FGF14: variants seen among roughly 807,000 people sequenced by gnomAD.
FGF14 encodes the protein fibroblast growth factor 14, also known as fibroblast growth factor homologous factor 4.
Under a neutral mutation model 25.5 loss-of-function variants are expected in FGF14, and 5 were observed. The observed-to-expected ratio is 0.20, with a 90% CI of 0.10 to 0.41. The LOEUF is 0.41. Among genes scored for constraint, FGF14 ranks in the 10% least tolerant of loss-of-function variants. FGF14 has a pLI of 1.00. For missense variants in FGF14, 222 were observed against 320.1 expected (o/e 0.69, Z 2.34); for synonymous variants, 138 against 118.3 (o/e 1.17, Z -1.08).
At chr13:102,237,255 T>C (rs2051370750) in intron 1 of FGF14, among the ~76,000 whole-genome samples, 1 of 152,104 alleles carries the variant, frequency 6.6e-6, no homozygotes, top group African/African-American at 2.4e-5. Flanking sequence ...GTCTGCAGAG[T>C]GGGGCATTCT....
chr13:101,719,655 T>C lies in FGF14; in HGVS notation c.*3176A>G, dbSNP rs2034855989. The stretch of plus-strand genomic sequence containing the variant: ...TTGAGGGACTGGCAAAGCAATCAGC[T>C]ACTATAACAAATCAGTAGAAATAAC... On this transcript the variant is annotated 3_prime_UTR_variant, in exon 5 of 5. Coordinates refer to ENST00000376143, the MANE Select transcript of FGF14 (RefSeq NM_004115.4). 1 of 152,106 alleles carries C rather than the reference T, an allele frequency of 6.6e-6. No homozygotes were observed. Among genetic ancestry groups the C allele is most frequent in the African/African-American group, 2.4e-5 (1 of 41,438 alleles). The allele number at this position is 152,106 out of a possible 1,614,324, so 9.4% of individuals were successfully genotyped here.
At chr13:102,006,769 G>C (rs1260540004) in intron 1 of FGF14, among the ~76,000 whole-genome samples, 1 of 104,572 alleles carries the variant, frequency 9.6e-6, no homozygotes, top group Admixed American at 1.6e-4. Context: ...ACGGAGTCTC[G>C]CTCTGTCGCC....
intron 1 of FGF14, among the ~76,000 whole-genome samples, chr13:102,031,201 T>C (rs1254308364): frequency 2.0e-5 from 3 of 152,124 alleles, no homozygotes; most frequent in African/African-American, 7.2e-5. Flanking sequence ...ATACTTATTT[T>C]GTACCCTTTA....
chr13:101,852,444 GA>G (rs531228427), intron 3 of FGF14, among the ~76,000 whole-genome samples: 3 of 152,074 alleles, frequency 2.0e-5, no homozygotes, highest in Non-Finnish European at 2.9e-5. Flanking sequence ...CTTGAAGGAG[GA>G]AAAAAACAAT....
chr13:102,110,174 G>T (rs1402305575), intron 1 of FGF14, among the ~76,000 whole-genome samples: 2 of 152,096 alleles, frequency 1.3e-5, no homozygotes, highest in Non-Finnish European at 2.9e-5. Context: ...CAAAAGACTT[G>T]TTTTAGAGCT....
intron 1 of FGF14, among the ~76,000 whole-genome samples, chr13:101,961,644 G>A (rs2036864750): frequency 6.6e-6 from 1 of 152,114 alleles, no homozygotes. Context: ...ATTGAATCAT[G>A]GGGACGGTTA....
chr13:101,971,882 T>C (rs1200507980), intron 1 of FGF14, among the ~76,000 whole-genome samples: 1 of 152,214 alleles, frequency 6.6e-6, no homozygotes, highest in East Asian at 1.9e-4. Flanking sequence ...AATACATAAC[T>C]GTTTGAAATT....
At chr13:102,271,430 C>T (rs1470405699) in intron 1 of FGF14, among the ~76,000 whole-genome samples, 2 of 152,134 alleles carry the variant, frequency 1.3e-5, no homozygotes, top group Admixed American at 1.3e-4. Flanking sequence ...GAGCCACGCA[C>T]CTCCATTTTC....
chr13:102,246,116 C>T (rs2051854297), intron 1 of FGF14, among the ~76,000 whole-genome samples: 1 of 151,982 alleles, frequency 6.6e-6, no homozygotes, highest in Admixed American at 6.6e-5. Flanking sequence ...AGTAATTTAG[C>T]CAAGATATCT....
At chr13:101,773,354 A>G (rs1487585162) in intron 3 of FGF14, among the ~76,000 whole-genome samples, 9 of 152,140 alleles carry the variant, frequency 5.9e-5, no homozygotes, top group Admixed American at 5.2e-4. Context: ...TAGGAAATCT[A>G]ATCTGCGACT....
chr13:101,751,977 T>A (rs2037314556), intron 3 of FGF14, among the ~76,000 whole-genome samples: 1 of 152,140 alleles, frequency 6.6e-6, no homozygotes, highest in South Asian at 2.1e-4. Context: ...GACACATACC[T>A]GTGAGAATAT....
chr13:101,919,607 C>T (rs1391321630), upstream of FGF14, among the ~76,000 whole-genome samples: 1 of 151,804 alleles, frequency 6.6e-6, no homozygotes, highest in Non-Finnish European at 1.5e-5. Flanking sequence ...CAGCCTCGGA[C>T]CAGCCTGACA....
chr13:102,059,872 A>G (rs2042601193), intron 1 of FGF14, among the ~76,000 whole-genome samples: 1 of 150,404 alleles, frequency 6.6e-6, no homozygotes, highest in African/African-American at 2.4e-5. Flanking sequence ...AACAAAAACA[A>G]AAAAAAAAGA....
At chr13:102,222,791 C>G (rs1479841890) in intron 1 of FGF14, among the ~76,000 whole-genome samples, 3 of 152,154 alleles carry the variant, frequency 2.0e-5, no homozygotes, top group Non-Finnish European at 4.4e-5. Flanking sequence ...ACACACTCCT[C>G]TAATCAATGT....
intron 1 of FGF14, among the ~76,000 whole-genome samples, chr13:102,129,138 T>C (rs1490195526): frequency 6.6e-6 from 1 of 151,986 alleles, no homozygotes; most frequent in Non-Finnish European, 1.5e-5. Flanking sequence ...TGGTCCCAGA[T>C]ACTCAGGAGG....
At chr13:102,071,992 T>C (rs1566649003) in intron 1 of FGF14, among the ~76,000 whole-genome samples, 1 of 152,112 alleles carries the variant, frequency 6.6e-6, no homozygotes, top group East Asian at 1.9e-4. Context: ...AAATGGAAAA[T>C]ATAAATAGCA....
chr13:101,964,086 C>G (rs1184006006), intron 1 of FGF14, among the ~76,000 whole-genome samples: 2 of 152,192 alleles, frequency 1.3e-5, no homozygotes, highest in Admixed American at 1.3e-4. Flanking sequence ...ACGATTTTCT[C>G]AGCAAGATCA....
chr13:102,163,888 G>T (rs939121931), intron 1 of FGF14, among the ~76,000 whole-genome samples: 1 of 152,100 alleles, frequency 6.6e-6, no homozygotes, highest in African/African-American at 2.4e-5. Context: ...AGTGAAGCAT[G>T]GAAAGATGGG....
intron 1 of FGF14, among the ~76,000 whole-genome samples, chr13:101,962,342 T>C (rs2036910881): frequency 2.6e-5 from 4 of 152,212 alleles, no homozygotes; most frequent in Admixed American, 2.6e-4. Context: ...AGTTCATTCA[T>C]GATTTGACTC....
Sources: gnomAD v4.1 joint callset for allele counts (sites outside exome capture counted in the v4.1 genomes callset) on GRCh38, gnomAD v4.1.1 for gene constraint, MANE v1.5 for transcripts, NCBI Gene and HGNC (gene_info 2026-07-23, HGNC 2026-07-21) for gene names.